MTOR: variants seen among roughly 807,000 people sequenced by gnomAD.
MTOR encodes mechanistic target of rapamycin kinase.
MTOR carries 70 observed loss-of-function variants against 319.8 expected under a neutral mutation model. The ratio of observed to expected loss-of-function variants is 0.22; its 90% CI spans 0.18 to 0.27. The LOEUF (loss-of-function observed/expected upper bound fraction) is 0.27, where lower values mean the gene tolerates loss of function less well. Among genes scored for constraint, MTOR ranks in the 10% least tolerant of loss-of-function variants. The pLI is 1.00. For synonymous variants in MTOR, 1,183 were observed against 1,211.4 expected, an observed-to-expected ratio of 0.98 and a Z score of 0.49; for missense variants, 1,890 against 3,274.4, an observed-to-expected ratio of 0.58 and a Z score of 10.32.
rs1236517577 is a variant in MTOR at position 11,212,513 on chromosome 1, A to T, written c.3399-39T>A. ...TAACATACAGTAACTGCTAACATAC[A>T]ATCTCCAAGGAAGAGACGTGACTGA... On this transcript the variant is annotated intron_variant, in intron 22 of 57. Transcript: ENST00000361445. This position sits in a 1 kb window ranked among gnomAD's most constrained non-coding sequence, Gnocchi z 4.1. 6.3e-7 allele frequency: 1 copy of T among 1,597,106 alleles called. No homozygotes were observed. The highest frequency in any genetic ancestry group is 8.5e-7 in the Non-Finnish European group (1 of 1,171,906).
At chr1:11,208,223 G>A (rs1262885379) in intron 25 of MTOR, among the ~76,000 whole-genome samples, 3 of 152,226 alleles carry the variant, frequency 2.0e-5, no homozygotes, top group Admixed American at 6.5e-5. Flanking sequence ...CAGAGTAGCA[G>A]TTACAAAATC....
chr1:11,107,364 A>G lies in MTOR; in HGVS notation c.*121T>C. On this transcript the variant is annotated 3_prime_UTR_variant, in exon 58 of 58. Coordinates refer to ENST00000361445, the MANE Select transcript of MTOR (RefSeq NM_004958.4). ...CTTTTAATATACAGTAGTTCTTTTC[A>G]TTTACATTTCAAAATATTTAACAAA... is the stretch of plus-strand genomic sequence containing the variant. 1.3e-6 allele frequency: 2 copies of G among 1,548,286 alleles called. No individual in the cohort carries two copies. Among genetic ancestry groups the G allele is most frequent in the South Asian group, 1.3e-5 (1 of 79,766 alleles).
rs561270987 is a variant in MTOR, at chr1:11,135,751, T to C, written c.5131-1285A>G. On this transcript the variant is annotated intron_variant, in intron 36 of 57. Transcript: ENST00000361445. Reference sequence around the variant, plus strand: ...GGGAGGCTGAGGCAGGAGAATTGTTTGAACCCGGGAGGCGGAGGTTGTAGT... The same window carrying C: ...GGGAGGCTGAGGCAGGAGAATTGTTCGAACCCGGGAGGCGGAGGTTGTAGT... 1.7e-4 allele frequency among the ~76,000 whole-genome samples: 26 copies of C among 151,656 alleles called. No individual in the cohort carries two copies. The East Asian group carries it at 4.5e-3, about 26-fold the overall frequency.
At chr1:11,147,804 C>CT (rs752582775) in intron 31 of MTOR, among the ~76,000 whole-genome samples, 4 of 152,178 alleles carry the variant, frequency 2.6e-5, no homozygotes, top group Non-Finnish European at 4.4e-5. Context: ...CCTCTCCCTT[C>CT]TTATCAAGAC....
chr1:11,202,246 G>A (rs956787281), intron 26 of MTOR, among the ~76,000 whole-genome samples: 3 of 151,944 alleles, frequency 2.0e-5, no homozygotes, highest in African/African-American at 4.8e-5. Flanking sequence ...TGGCTAACAT[G>A]GTGAAATCCC....
At chr1:11,139,945 C>T (rs1643611777) in intron 34 of MTOR, among the ~76,000 whole-genome samples, 1 of 152,178 alleles carries the variant, frequency 6.6e-6, no homozygotes, top group Non-Finnish European at 1.5e-5. Context: ...CCGTCTTGGC[C>T]TCCCAAAGTG....
In MTOR at chr1:11,106,545, A is replaced by C. The variant is rs1029960878; in HGVS notation, c.*940T>G. 1 of 1,058,360 alleles carries C rather than the reference A, an allele frequency of 9.4e-7. No individual in the cohort carries two copies. Among genetic ancestry groups the C allele is most frequent in the Non-Finnish European group, 1.1e-6 (1 of 870,022 alleles). The allele number at this position is 1,058,360 out of a possible 1,614,324, so 65.6% of individuals were successfully genotyped here. On this transcript the variant is annotated 3_prime_UTR_variant, in exon 58 of 58. Coordinates refer to ENST00000361445, the MANE Select transcript of MTOR (RefSeq NM_004958.4). ...CGCCACTCATATACATATGTTTAAA[A>C]TTCTGATGTCATTTATTGGCACAAA...
intron 30 of MTOR, among the ~76,000 whole-genome samples, chr1:11,153,837 G>A (rs1644227687): frequency 6.6e-6 from 1 of 151,918 alleles, no homozygotes; most frequent in Admixed American, 6.5e-5. Context: ...GAGAGGCTGA[G>A]GCAGGTGGAT....
chr1:11,227,336 G>A (rs1225199183), intron 19 of MTOR, among the ~76,000 whole-genome samples: 3 of 147,472 alleles, frequency 2.0e-5, no homozygotes, highest in African/African-American at 7.6e-5. Flanking sequence ...ATTCAATTAG[G>A]TTGATAGTTA....
At position 11,129,866 on chromosome 1, in the gene MTOR, A is replaced by G; in HGVS notation, c.5614-28T>C. ...GTTGGAACACACACGTGTTAGCGAC[A>G]CTCTTGCCTCTGCTTTCTCATCTGT... is the stretch of plus-strand genomic sequence containing the variant. On this transcript the variant is annotated intron_variant, in intron 39 of 57. Coordinates refer to ENST00000361445, the MANE Select transcript of MTOR (RefSeq NM_004958.4). This position sits in a 1 kb window ranked among gnomAD's most constrained non-coding sequence, Gnocchi z 4.7. 1 of 1,595,592 alleles carries G rather than the reference A, an allele frequency of 6.3e-7. No individual in the cohort carries two copies. Among genetic ancestry groups the G allele is most frequent in the Non-Finnish European group, 8.6e-7 (1 of 1,163,614 alleles).
intron 26 of MTOR, among the ~76,000 whole-genome samples, chr1:11,203,457 T>C (rs779818169): frequency 2.6e-5 from 4 of 152,136 alleles, no homozygotes; most frequent in Non-Finnish European, 5.9e-5. Context: ...AGCAGATCAC[T>C]TGAGGCCAGG....
At chr1:11,145,389 T>TC (rs752705604) in intron 32 of MTOR, 4 of 266,032 alleles carry the variant, frequency 1.5e-5, no homozygotes, top group Non-Finnish European at 2.9e-5. Flanking sequence ...CTTTTTTTTT[T>TC]CTTCTGAGAC....
intron 30 of MTOR, 81 bp downstream of exon 30, chr1:11,157,071 G>A (rs2100565695): frequency 6.8e-7 from 1 of 1,478,524 alleles, no homozygotes; most frequent in Non-Finnish European, 9.0e-7. Context: ...CTCCGTGTGG[G>A]GGAAGCCTTC....
intron 28 of MTOR, among the ~76,000 whole-genome samples, chr1:11,171,438 C>T (rs915194261): frequency 6.6e-6 from 1 of 151,810 alleles, no homozygotes; most frequent in South Asian, 2.1e-4. Flanking sequence ...TGAGGCACTG[C>T]ACCTGGCCTC....
intron 13 of MTOR, 135 bp from the exon 14 acceptor site, chr1:11,234,400 C>CT: frequency 8.9e-6 from 9 of 1,013,568 alleles, no homozygotes; most frequent in Non-Finnish European, 1.3e-5. Context: ...CTGCTAGATA[C>CT]TCAATGAGCA....
At chr1:11,111,483 GAAAA>G (rs34258245) in intron 54 of MTOR, 4 of 137,270 alleles carry the variant, frequency 2.9e-5, no homozygotes, top group Non-Finnish European at 4.5e-5. Flanking sequence ...TCTGTCTCAA[GAAAA>G]AAAAAAAAAA....
intron 28 of MTOR, chr1:11,189,898 A>T: frequency 1.2e-6 from 2 of 1,614,012 alleles, no homozygotes; most frequent in Non-Finnish European, 1.7e-6. Context: ...CGAGATGAAC[A>T]ACCAAATTGA....
intron 38 of MTOR, chr1:11,131,049 C>G (rs907899357): frequency 1.9e-6 from 1 of 528,134 alleles, no homozygotes; most frequent in Non-Finnish European, 3.4e-6. Context: ...CTCAAGGGAT[C>G]TCCCGGCCTC....
chr1:11,238,379 T>C, intron 12 of MTOR, 23 bp downstream of exon 12: 1 of 1,612,212 alleles, frequency 6.2e-7, no homozygotes, highest in East Asian at 2.2e-5. Flanking sequence ...TCCCCTAGAT[T>C]CCTTCTGTCT....
Sources: gnomAD v4.1 joint callset for allele counts (sites outside exome capture counted in the v4.1 genomes callset) on GRCh38, gnomAD v4.1.1 for gene constraint, Gnocchi (gnomAD v3.1) non-coding constraint, MANE v1.5 for transcripts, NCBI Gene and HGNC (gene_info 2026-07-23, HGNC 2026-07-21) for gene names.